RALGPS1: variants seen among roughly 807,000 people sequenced by gnomAD.
RALGPS1 encodes Ral GEF with PH domain and SH3 binding motif 1, also known as ras-specific guanine nucleotide-releasing factor RalGPS1.
A neutral mutation model predicts 78.8 loss-of-function variants in RALGPS1; 19 were observed. The ratio of observed to expected loss-of-function variants is 0.24; its 90% CI spans 0.17 to 0.35. The LOEUF (loss-of-function observed/expected upper bound fraction) is 0.35, where lower values mean the gene tolerates loss of function less well. RALGPS1 is among the 10% of genes least tolerant of loss of function. The probability of loss-of-function intolerance (pLI) is 1.00; values close to 1 mark genes in which losing one functional copy is unlikely to be tolerated. For missense variants in RALGPS1, 454 were observed against 688.3 expected, an observed-to-expected ratio of 0.66 and a Z score of 3.81; for synonymous variants, 228 against 256.3, an observed-to-expected ratio of 0.89 and a Z score of 1.06.
chr9:126,930,788 C>T (rs1290123378), intron 1 of RALGPS1, among the ~76,000 whole-genome samples: 1 of 152,140 alleles, frequency 6.6e-6, no homozygotes, highest in Admixed American at 6.5e-5. Flanking sequence ...GTGAAATTGC[C>T]TTTATTTTTC....
intron 7 of RALGPS1, among the ~76,000 whole-genome samples, chr9:127,062,729 C>A (rs1319886845): frequency 6.6e-6 from 1 of 152,126 alleles, no homozygotes; most frequent in African/African-American, 2.4e-5. Context: ...TAGCTTTAGT[C>A]AAAGACAAAC....
intron 8 of RALGPS1, among the ~76,000 whole-genome samples, chr9:127,109,121 G>T (rs1176331942): frequency 6.6e-6 from 1 of 152,244 alleles, no homozygotes; most frequent in Non-Finnish European, 1.5e-5. Context: ...GCAGCTTCAG[G>T]CTGGGGAGGG....
chr9:127,082,838 A>G (rs1375847159), intron 8 of RALGPS1, among the ~76,000 whole-genome samples: 1 of 152,174 alleles, frequency 6.6e-6, no homozygotes, highest in East Asian at 1.9e-4. Context: ...TGCTATCCAC[A>G]TGAAAATACA....
intron 8 of RALGPS1, among the ~76,000 whole-genome samples, chr9:127,090,130 T>A (rs1240476174): frequency 6.6e-6 from 1 of 152,168 alleles, no homozygotes; most frequent in Non-Finnish European, 1.5e-5. Flanking sequence ...CAAGTGGCAG[T>A]GTTGGACTGG....
intron 8 of RALGPS1, among the ~76,000 whole-genome samples, chr9:127,136,714 T>G (rs764317142): frequency 5.9e-5 from 9 of 151,948 alleles, no homozygotes; most frequent in Non-Finnish European, 1.3e-4. Context: ...ACCTTCATCA[T>G]CTCCTCATTG....
intron 1 of RALGPS1, among the ~76,000 whole-genome samples, chr9:126,951,230 A>G (rs930059693): frequency 4.0e-5 from 6 of 148,884 alleles, no homozygotes; most frequent in Admixed American, 2.0e-4. Context: ...GCCGAATTCT[A>G]CCAGAGGTAC....
intron 11 of RALGPS1, among the ~76,000 whole-genome samples, chr9:127,181,582 G>T (rs2060225125): frequency 6.6e-6 from 1 of 152,234 alleles, no homozygotes; most frequent in East Asian, 1.9e-4. Context: ...ATTGTCCCCA[G>T]TTGGTCCTCA....
intron 4 of RALGPS1, among the ~76,000 whole-genome samples, chr9:127,030,426 C>CAA (rs1203872337): frequency 2.6e-5 from 4 of 152,110 alleles, no homozygotes; most frequent in Admixed American, 6.5e-5. Context: ...TGTGCAAAGG[C>CAA]AAGGCAGAGG....
At chr9:127,061,909 C>T (rs1410577506) in intron 7 of RALGPS1, among the ~76,000 whole-genome samples, 1 of 152,140 alleles carries the variant, frequency 6.6e-6, no homozygotes, top group African/African-American at 2.4e-5. Context: ...TCTCAACCTC[C>T]CAGCTCTCTA....
intron 6 of RALGPS1, among the ~76,000 whole-genome samples, chr9:127,052,167 A>G (rs1174794135): frequency 6.6e-6 from 1 of 152,218 alleles, no homozygotes; most frequent in Non-Finnish European, 1.5e-5. Context: ...AGCGTGCCTA[A>G]TAACCCAAAC....
At chr9:127,164,044 C>T (rs1000621380) in intron 8 of RALGPS1, among the ~76,000 whole-genome samples, 12 of 151,560 alleles carry the variant, frequency 7.9e-5, no homozygotes, top group South Asian at 2.1e-4. Context: ...TGTGTGCATG[C>T]GTGTGTGTTT....
chr9:127,013,596 G>A lies in RALGPS1; in HGVS notation c.217-20835G>A, dbSNP rs78733611. ...TCAACTTTGGCACTTATCTCCCAGC[G>A]GGCATCTCTACACCCATGTCTGCCC... On this transcript the variant is annotated intron_variant, in intron 4 of 18. Transcript: ENST00000259351. Among the ~76,000 whole-genome samples, 168 of 152,054 alleles carry A rather than the reference G, an allele frequency of 1.1e-3. 1 individual carries two copies. The East Asian group carries it at 0.03, about 27-fold the overall frequency.
chr9:126,945,391 G>C lies in RALGPS1; in HGVS notation c.-65-16834G>C, dbSNP rs572187863. 7.2e-5 allele frequency among the ~76,000 whole-genome samples: 11 copies of C among 152,226 alleles called. No individual in the cohort carries two copies. In the South Asian group the frequency reaches 2.1e-3, roughly 29 times the overall value. ...TTTTTTGTATTTTTAGTAGAGACGG[G>C]GTTTCGCCATGTTAGCCAGGCAGAT... On this transcript the variant is annotated intron_variant, in intron 1 of 18. Coordinates refer to ENST00000259351, the MANE Select transcript of RALGPS1 (RefSeq NM_014636.3).
intron 1 of RALGPS1, among the ~76,000 whole-genome samples, chr9:126,958,918 CA>C (rs1164207931): frequency 6.6e-6 from 1 of 152,142 alleles, no homozygotes; most frequent in Non-Finnish European, 1.5e-5. Flanking sequence ...ACATTTTTGC[CA>C]ATACTTGTTA....
chr9:127,148,264 A>T (rs1588166719), intron 8 of RALGPS1, among the ~76,000 whole-genome samples: 1 of 152,288 alleles, frequency 6.6e-6, no homozygotes, highest in Non-Finnish European at 1.5e-5. Context: ...GTGAGCCCCC[A>T]GCCTGGGATT....
At chr9:127,174,006 C>A (rs1264990047) in intron 10 of RALGPS1, among the ~76,000 whole-genome samples, 1 of 152,060 alleles carries the variant, frequency 6.6e-6, no homozygotes, top group Non-Finnish European at 1.5e-5. Flanking sequence ...GAGCGAGACT[C>A]TGTCTCAAAA....
chr9:126,977,051 A>G (rs1241327360), intron 3 of RALGPS1, among the ~76,000 whole-genome samples: 1 of 152,232 alleles, frequency 6.6e-6, no homozygotes, highest in African/African-American at 2.4e-5. Flanking sequence ...TAAAATGTAT[A>G]TAATGGAAAT....
In RALGPS1 at chr9:126,940,441, A is replaced by ATTTT. The variant is rs56123533; in HGVS notation, c.-65-21771_-65-21768dup. On this transcript the variant is annotated intron_variant, in intron 1 of 18. Coordinates refer to ENST00000259351, the MANE Select transcript of RALGPS1 (RefSeq NM_014636.3). ...TTGGGCAGGTGTATGTATATATATA[A>ATTTT]TTTTTTTTTTTTTTTTGAGATGGAG... 4.5e-3 allele frequency among the ~76,000 whole-genome samples: 609 copies of ATTTT among 134,794 alleles called. 32 individuals are homozygous for ATTTT. In the East Asian group the frequency reaches 0.067, roughly 15 times the overall value. 88.4% of individuals were successfully genotyped at this position (134,794 alleles called of 152,430 possible). A position where few individuals can be genotyped will look rare whatever the true frequency, so the allele number is the denominator to read the frequency against.
At chr9:126,944,628 AT>A (rs1048507351) in intron 1 of RALGPS1, among the ~76,000 whole-genome samples, 12 of 151,668 alleles carry the variant, frequency 7.9e-5, no homozygotes, top group African/African-American at 2.2e-4. Context: ...AGAATCCTTA[AT>A]TTTTTTTTAA....
Sources: allele counts gnomAD v4.1 joint callset (sites outside exome capture counted in the v4.1 genomes callset), GRCh38; gene constraint gnomAD v4.1.1; transcripts MANE v1.5; gene names NCBI Gene and HGNC (gene_info 2026-07-23, HGNC 2026-07-21).